The following BNC2 variants were observed in gnomAD, a reference collection of about 807,000 sequenced individuals.
BNC2 encodes zinc finger protein basonuclin-2.
In BNC2, 20 loss-of-function variants were observed where a neutral mutation model predicts 76.3. The observed-to-expected ratio is 0.26, with a 90% CI of 0.18 to 0.38. The LOEUF (loss-of-function observed/expected upper bound fraction) is 0.38. BNC2 is among the 10% of genes least tolerant of loss of function. BNC2 has a pLI of 1.00. For synonymous variants in BNC2, 582 were observed against 514.8 expected, an observed-to-expected ratio of 1.13 and a Z score of -1.77; for missense variants, 1,382 against 1,399.8, an observed-to-expected ratio of 0.99 and a Z score of 0.20.
Position 16,847,203 on chromosome 9 carries a change from T to C in BNC2, c.3+23443A>G, listed in dbSNP as rs182669511. Among the ~76,000 whole-genome samples, 239 of 152,240 alleles carry C rather than the reference T, an allele frequency of 1.6e-3. 3 individuals carry two copies. The highest frequency in any genetic ancestry group is 2.2e-3 in the Non-Finnish European group (148 of 68,022). On this transcript the variant is annotated intron_variant, in intron 1 of 6. Transcript: ENST00000380672. ...GTTATGACACTAGGACAGGCATACATGTTTCAACACACACGCAGCTCAAAA... is the reference window on the plus strand; with the variant it reads ...GTTATGACACTAGGACAGGCATACACGTTTCAACACACACGCAGCTCAAAA...
At chr9:16,580,936 G>T (rs966823077) in intron 4 of BNC2, among the ~76,000 whole-genome samples, 2 of 152,142 alleles carry the variant, frequency 1.3e-5, no homozygotes, top group Non-Finnish European at 2.9e-5. Context: ...CATGTCATGA[G>T]GTGACAGAGC....
At chr9:16,797,749 A>G (rs1817693450) in intron 1 of BNC2, among the ~76,000 whole-genome samples, 1 of 152,158 alleles carries the variant, frequency 6.6e-6, no homozygotes, top group South Asian at 2.1e-4. Context: ...AGCAGACCTA[A>G]GTAGTCACAT....
chr9:16,820,109 A>G, intron 1 of BNC2, among the ~76,000 whole-genome samples: 1 of 95,864 alleles, frequency 1.0e-5, no homozygotes, highest in African/African-American at 4.4e-5. Context: ...TGGGCAACAG[A>G]GTGAGACTGT....
intron 4 of BNC2, among the ~76,000 whole-genome samples, chr9:16,562,566 C>G (rs1312153914): frequency 6.6e-6 from 1 of 152,126 alleles, no homozygotes; most frequent in East Asian, 1.9e-4. Flanking sequence ...TCATTTTCAT[C>G]TTAAAAGATT....
At chr9:16,565,369 C>T (rs368153071) in intron 4 of BNC2, among the ~76,000 whole-genome samples, 11 of 152,190 alleles carry the variant, frequency 7.2e-5, no homozygotes, top group African/African-American at 2.7e-4. Context: ...AGGTTCCCAG[C>T]ACCTTCACAT....
chr9:16,789,905 T>A (rs1251590769), intron 1 of BNC2, among the ~76,000 whole-genome samples: 3 of 152,210 alleles, frequency 2.0e-5, no homozygotes, highest in Admixed American at 1.3e-4. Flanking sequence ...CCCTCATCAC[T>A]TACAAGAGTG....
intron 3 of BNC2, among the ~76,000 whole-genome samples, chr9:16,698,913 G>C (rs1823425559): frequency 6.6e-6 from 1 of 152,104 alleles, no homozygotes; most frequent in African/African-American, 2.4e-5. Flanking sequence ...CTCTCTTTGA[G>C]GTTTTCTTAA....
intron 3 of BNC2, among the ~76,000 whole-genome samples, chr9:16,588,603 T>C (rs1319793967): frequency 6.6e-6 from 1 of 152,144 alleles, no homozygotes; most frequent in Non-Finnish European, 1.5e-5. Flanking sequence ...TATGCAAAAG[T>C]ACATCTAAAA....
intron 3 of BNC2, among the ~76,000 whole-genome samples, chr9:16,626,586 A>T (rs1026616284): frequency 6.6e-6 from 1 of 152,080 alleles, no homozygotes; most frequent in Non-Finnish European, 1.5e-5. Flanking sequence ...GCAATTTAGT[A>T]TTGGATTCAG....
chr9:16,790,932 A>C (rs146664599), intron 1 of BNC2, among the ~76,000 whole-genome samples: 212 of 149,728 alleles, frequency 1.4e-3, no homozygotes, highest in African/African-American at 4.9e-3. Flanking sequence ...CCCTTTAATT[A>C]TCCATTTTTA....
intron 5 of BNC2, among the ~76,000 whole-genome samples, chr9:16,465,434 C>CAAAAAAAAAAAAAAA (rs34834563): frequency 2.4e-5 from 2 of 84,274 alleles, no homozygotes; most frequent in Non-Finnish European, 4.6e-5. Context: ...ACTCCAACTC[C>CAAAAAAAAAAAAAAA]AAAAAAAAAA....
chr9:16,723,289 A>G (rs1004363063), intron 3 of BNC2, among the ~76,000 whole-genome samples: 9 of 152,132 alleles, frequency 5.9e-5, no homozygotes, highest in Non-Finnish European at 8.8e-5. Flanking sequence ...ACCATTAACT[A>G]TCAGCTGCTT....
At chr9:16,554,454 C>T (rs748840042) in intron 4 of BNC2, among the ~76,000 whole-genome samples, 14 of 152,150 alleles carry the variant, frequency 9.2e-5, no homozygotes, top group East Asian at 1.9e-4. Context: ...TCAAAGAGTT[C>T]GGGTTTTCTC....
At chr9:16,578,369 T>TA in intron 4 of BNC2, among the ~76,000 whole-genome samples, 1 of 152,274 alleles carries the variant, frequency 6.6e-6, no homozygotes. Context: ...TTGCAAATAT[T>TA]AAACAATAAA....
At chr9:16,578,865 T>C (rs1331228929) in intron 4 of BNC2, among the ~76,000 whole-genome samples, 1 of 152,188 alleles carries the variant, frequency 6.6e-6, no homozygotes. Flanking sequence ...ATTTATAGTA[T>C]TTCAGTGAAG....
chr9:16,571,539 A>G (rs1819323664), intron 4 of BNC2, among the ~76,000 whole-genome samples: 1 of 151,962 alleles, frequency 6.6e-6, no homozygotes, highest in Non-Finnish European at 1.5e-5. Flanking sequence ...TCCTTTGCAA[A>G]ACTTTGAACC....
intron 3 of BNC2, among the ~76,000 whole-genome samples, chr9:16,628,554 CAG>C (rs374613597): frequency 9.7e-4 from 148 of 152,128 alleles, no homozygotes; most frequent in Middle Eastern, 3.4e-3. Context: ...AGGTGGGAAA[CAG>C]GGGGAGGAAC....
intron 5 of BNC2, among the ~76,000 whole-genome samples, chr9:16,480,478 C>T (rs28523679): frequency 0.096 from 14,557 of 152,254 alleles, 1,096 homozygotes; most frequent in African/African-American, 0.21. Context: ...AGGCCAGAGC[C>T]GGCTCCCTCG....
rs149547687 is a variant in BNC2, at chr9:16,465,173, C to T, written c.670-27649G>A. On this transcript the variant is annotated intron_variant, in intron 5 of 6. Coordinates refer to ENST00000380672, the MANE Select transcript of BNC2 (RefSeq NM_017637.6). ...TAATAAGGCCAGGCCTGGCGGCTCACGCCTGTAATCCCAACACTTTGAGAG... is the reference window on the plus strand; with the variant it reads ...TAATAAGGCCAGGCCTGGCGGCTCATGCCTGTAATCCCAACACTTTGAGAG... 3.6e-3 allele frequency among the ~76,000 whole-genome samples: 550 copies of T among 152,270 alleles called. 4 individuals carry two copies. The highest frequency in any genetic ancestry group is 0.012 in the African/African-American group (493 of 41,538).
Sources: allele counts gnomAD v4.1 joint callset (sites outside exome capture counted in the v4.1 genomes callset), GRCh38; gene constraint gnomAD v4.1.1; transcripts MANE v1.5; gene names NCBI Gene and HGNC (gene_info 2026-07-23, HGNC 2026-07-21).